Variants in CD96 observed in about 807,000 individuals in gnomAD.
CD96 encodes T-cell surface protein tactile.
CD96 carries 70 observed loss-of-function variants against 71.3 expected under a neutral mutation model. That is an observed-to-expected ratio of 0.98 (90% CI 0.81 to 1.20). The LOEUF is 1.20. Ranked by LOEUF, CD96 falls within the 50% of genes most tolerant of loss-of-function variation. CD96 has a pLI of 0.00. For missense variants in CD96, 742 were observed against 677.5 expected (o/e 1.10, Z -1.06); for synonymous variants, 248 against 233.0 (o/e 1.06, Z -0.59).
At chr3:111,648,673 TG>T in intron 13 of CD96, among the ~76,000 whole-genome samples, 1 of 152,200 alleles carries the variant, frequency 6.6e-6, no homozygotes, top group Non-Finnish European at 1.5e-5. Flanking sequence ...AAATCTGAAC[TG>T]ATTTTTTAAA....
intron 5 of CD96, 135 bp downstream of exon 5, chr3:111,585,513 G>A (rs1005534350): frequency 1.5e-6 from 1 of 657,502 alleles, no homozygotes; most frequent in Non-Finnish European, 2.8e-6. Context: ...TAGGGATGAA[G>A]GGAAGCTGGG....
chr3:111,581,691 A>G (rs1936474039), intron 4 of CD96, among the ~76,000 whole-genome samples: 1 of 152,104 alleles, frequency 6.6e-6, no homozygotes, highest in African/African-American at 2.4e-5. Flanking sequence ...CCTCAAAGAA[A>G]ATCTGTCTCA....
chr3:111,609,704 AG>A (rs373969478), intron 8 of CD96, among the ~76,000 whole-genome samples: 19 of 152,334 alleles, frequency 1.2e-4, no homozygotes, highest in South Asian at 6.2e-4. Flanking sequence ...TTTAAAAAGC[AG>A]GGGGGAAAAA....
At chr3:111,594,283 T>C in intron 5 of CD96, 1 of 1,481,606 alleles carries the variant, frequency 6.7e-7, no homozygotes, top group East Asian at 2.3e-5. Context: ...AAATATATAT[T>C]TGGGAAGGGC....
intron 3 of CD96, among the ~76,000 whole-genome samples, chr3:111,568,694 T>C (rs1409807316): frequency 6.6e-6 from 1 of 152,202 alleles, no homozygotes; most frequent in Non-Finnish European, 1.5e-5. Context: ...AAATCTAAAT[T>C]TAATCTTAAA....
At chr3:111,542,722 CTCTT>C (rs1487279426) in intron 1 of CD96, among the ~76,000 whole-genome samples, 2 of 152,168 alleles carry the variant, frequency 1.3e-5, no homozygotes, top group African/African-American at 4.8e-5. Context: ...CTCAAGTACT[CTCTT>C]TCTTTTGGAT....
intron 8 of CD96, among the ~76,000 whole-genome samples, 167 bp from the exon 9 acceptor site, chr3:111,623,587 C>A (rs1045211533): frequency 6.6e-6 from 1 of 152,116 alleles, no homozygotes; most frequent in African/African-American, 2.4e-5. Flanking sequence ...GATTATTTAA[C>A]CACAAGCATA....
downstream of CD96, among the ~76,000 whole-genome samples, chr3:111,657,223 G>T (rs137991156): frequency 3.5e-3 from 535 of 152,118 alleles, 11 homozygotes; most frequent in East Asian, 0.03. Flanking sequence ...TTTGAGACCA[G>T]CCTGGCCAAC....
intron 8 of CD96, among the ~76,000 whole-genome samples, chr3:111,615,443 A>C (rs538805349): frequency 6.6e-6 from 1 of 152,192 alleles, no homozygotes. Context: ...CAAACAAAAT[A>C]CCTTCTATAG....
rs1938620313 is a variant in CD96, at chr3:111,623,842, C to T, written c.1249+20C>T. The T allele has an allele frequency of 5.2e-6, 8 of 1,545,784 alleles. No homozygotes were observed. The highest frequency in any genetic ancestry group is 7.2e-6 in the Non-Finnish European group (8 of 1,117,758). On this transcript the variant is annotated intron_variant, in intron 9 of 13. Transcript: ENST00000352690. ...CTCAACGTGAGTTCAGCAAAGTTTT[C>T]CTACATGATTGGAAAGAGACAACAC...
intron 2 of CD96, among the ~76,000 whole-genome samples, chr3:111,547,601 G>A (rs575680778): frequency 6.6e-6 from 1 of 152,302 alleles, no homozygotes; most frequent in South Asian, 2.1e-4. Context: ...GGAGGATGAT[G>A]TTGCCTTTAA....
intron 7 of CD96, among the ~76,000 whole-genome samples, chr3:111,604,400 C>T (rs1285158336): frequency 3.3e-5 from 5 of 152,166 alleles, no homozygotes; most frequent in Admixed American, 3.3e-4. Context: ...ACTGTCTCTC[C>T]TTTTTAGGTT....
intron 5 of CD96, chr3:111,593,143 TCAC>T: frequency 1.9e-5 from 3 of 161,548 alleles, no homozygotes; most frequent in South Asian, 1.9e-4. Flanking sequence ...AGTGAGCTGG[TCAC>T]ATAGGCACAT....
At chr3:111,590,187 TC>T (rs1280084014) in intron 5 of CD96, among the ~76,000 whole-genome samples, 5 of 152,310 alleles carry the variant, frequency 3.3e-5, no homozygotes, top group Non-Finnish European at 7.4e-5. Flanking sequence ...ACTTATTAAC[TC>T]TGGCCCCTAA....
chr3:111,556,016 T>C (rs113044291), intron 2 of CD96, among the ~76,000 whole-genome samples: 9 of 152,418 alleles, frequency 5.9e-5, no homozygotes, highest in African/African-American at 1.9e-4. Flanking sequence ...ATACACTGAT[T>C]CTTTCTTCAG....
At chr3:111,557,456 A>G (rs1464173345) in intron 2 of CD96, among the ~76,000 whole-genome samples, 1 of 95,738 alleles carries the variant, frequency 1.0e-5, no homozygotes, top group Non-Finnish European at 2.0e-5. Context: ...CATTTATTAA[A>G]TAGGGAATCC....
chr3:111,552,271 T>TG (rs1934751590), intron 2 of CD96, among the ~76,000 whole-genome samples: 1 of 152,106 alleles, frequency 6.6e-6, no homozygotes. Context: ...AAAATGTGTG[T>TG]TTGTCCCCCT....
intron 8 of CD96, among the ~76,000 whole-genome samples, chr3:111,615,829 C>T (rs894210311): frequency 2.8e-4 from 43 of 152,302 alleles, no homozygotes; most frequent in South Asian, 1.2e-3. Context: ...ATATCCCCCA[C>T]GACTGCCCTC....
chr3:111,608,036 G>A (rs1226770770), intron 8 of CD96, among the ~76,000 whole-genome samples: 3 of 144,020 alleles, frequency 2.1e-5, no homozygotes, highest in Admixed American at 6.7e-5. Context: ...GTTTCTGGGG[G>A]TCAGAAATTC....
Sources: allele counts gnomAD v4.1 joint callset (sites outside exome capture counted in the v4.1 genomes callset), GRCh38; gene constraint gnomAD v4.1.1; transcripts MANE v1.5; gene names NCBI Gene and HGNC (gene_info 2026-07-23, HGNC 2026-07-21).